Variants in AP3D1 observed in about 807,000 individuals in gnomAD.
The protein encoded by AP3D1 is AP-3 complex subunit delta-1.
AP3D1 carries 51 observed loss-of-function variants against 147.6 expected under a neutral mutation model. That is an observed-to-expected ratio of 0.35 (90% CI 0.28 to 0.44). The LOEUF is 0.44. AP3D1 is among the 20% of genes least tolerant of loss of function. AP3D1 has a pLI of 1.00. For synonymous variants in AP3D1, 760 were observed against 663.0 expected, an observed-to-expected ratio of 1.15 and a Z score of -2.25; for missense variants, 1,421 against 1,624.2, an observed-to-expected ratio of 0.87 and a Z score of 2.15.
chr19:2,163,423 C>T (rs1056774074), intron 1 of AP3D1, among the ~76,000 whole-genome samples: 18 of 151,914 alleles, frequency 1.2e-4, no homozygotes, highest in African/African-American at 4.4e-4. Context: ...AACTCCTGAC[C>T]TCAGGTGATC....
At chr19:2,111,622 A>C in intron 25 of AP3D1, 57 bp downstream of exon 25, 1 of 1,524,000 alleles carries the variant, frequency 6.6e-7, no homozygotes, top group East Asian at 2.4e-5. Context: ...AGTGGGGAGC[A>C]GCGCACAGCC....
chr19:2,160,718 A>C (rs1361950733), intron 1 of AP3D1, among the ~76,000 whole-genome samples: 2 of 152,140 alleles, frequency 1.3e-5, no homozygotes, highest in East Asian at 3.8e-4. Flanking sequence ...CTGCCTACAC[A>C]GGATTCTGGA....
intron 1 of AP3D1, among the ~76,000 whole-genome samples, chr19:2,158,417 C>T (rs1025559776): frequency 6.7e-6 from 1 of 149,138 alleles, no homozygotes; most frequent in Non-Finnish European, 1.5e-5. Context: ...AGTGGAGTGG[C>T]ACCATCTGAG....
chr19:2,105,834 G>C (rs2018095897), intron 31 of AP3D1, among the ~76,000 whole-genome samples: 1 of 152,196 alleles, frequency 6.6e-6, no homozygotes, highest in African/African-American at 2.4e-5. Context: ...GGGGGCTCGT[G>C]CTTCTAATAC....
At chr19:2,154,960 A>G (rs1276877815), upstream of AP3D1, among the ~76,000 whole-genome samples, 3 of 152,050 alleles carry the variant, frequency 2.0e-5, no homozygotes, top group Non-Finnish European at 4.4e-5. Flanking sequence ...TGGGTGGATC[A>G]CCTGAGGTCA....
intron 23 of AP3D1, 44 bp downstream of exon 23, chr19:2,113,292 C>A (rs1174438023): frequency 9.5e-5 from 104 of 1,089,222 alleles, no homozygotes; most frequent in Non-Finnish European, 1.3e-4. Flanking sequence ...GGTATGACCT[C>A]TGCAGACACC....
In AP3D1 at chr19:2,138,701, G is replaced by A. The variant is rs749835918; in HGVS notation, c.110C>T (p.Ser37Phe). ...NHKEDEAKYI[S>F]QCIDEIKQEL... ...CTGCTTGATCTCATCAATGCACTGA[G>A]ATATGTATTTTGCCTATAATGGGGG... The change falls in exon 2 of 32, where the codon TCT (serine) becomes TTT (phenylalanine). Residue 37 changes from serine to phenylalanine, a missense_variant. By Grantham distance (155) the Ser-to-Phe change is radical. Coordinates refer to ENST00000643116, the MANE Select transcript of AP3D1 (RefSeq NM_001261826.3). The A allele has an allele frequency of 6.2e-7, 1 of 1,612,904 alleles. No homozygotes were observed. Among genetic ancestry groups the A allele is most frequent in the South Asian group, 1.1e-5 (1 of 91,074 alleles).
At chr19:2,160,895 C>T (rs539046224) in intron 1 of AP3D1, among the ~76,000 whole-genome samples, 71 of 152,252 alleles carry the variant, frequency 4.7e-4, no homozygotes, top group African/African-American at 1.7e-3. Flanking sequence ...TGCACCTTAG[C>T]TGTGACAATC....
intron 9 of AP3D1, among the ~76,000 whole-genome samples, chr19:2,124,767 T>G (rs1420617649): frequency 6.6e-6 from 1 of 151,980 alleles, no homozygotes; most frequent in African/African-American, 2.4e-5. Context: ...ATGGAGAAAC[T>G]CTGTCTCTAC....
chr19:2,118,364 C>A (rs922408341), intron 15 of AP3D1, among the ~76,000 whole-genome samples: 3 of 152,198 alleles, frequency 2.0e-5, no homozygotes, highest in African/African-American at 7.2e-5. Flanking sequence ...GGAGCAGCAC[C>A]CTCACATACC....
rs1364676377 is a variant in AP3D1 at position 2,132,458 on chromosome 19, C to A, written c.462+13G>T. 6.3e-7 allele frequency: 1 copy of A among 1,593,024 alleles called. No individual in the cohort carries two copies. Among genetic ancestry groups the A allele is most frequent in the Non-Finnish European group, 8.6e-7 (1 of 1,162,494 alleles). ...CAGACATGCAGGGGTGGTGGGCAGG[C>A]TTACAAACTCACCAGTGTCATGATG... On this transcript the variant is annotated intron_variant, in intron 5 of 31. Coordinates refer to ENST00000643116, the MANE Select transcript of AP3D1 (RefSeq NM_001261826.3).
intron 1 of AP3D1, chr19:2,164,060 CG>C: frequency 1.8e-6 from 1 of 558,802 alleles, no homozygotes; most frequent in Non-Finnish European, 2.4e-6. Flanking sequence ...CGGCCGAGGC[CG>C]AGGCCAGGCC....
In AP3D1 at chr19:2,123,752, T is replaced by C; in HGVS notation, c.906+78A>G. On this transcript the variant is annotated intron_variant, in intron 10 of 31. Transcript: ENST00000643116. ...GGGGACCAGCACCTTGGTCACAGGG[T>C]GGGCAAGCTCCCGCCTGTGGAAAGG... The C allele has an allele frequency of 2.7e-6, 4 of 1,506,312 alleles. No individual in the cohort carries two copies. The South Asian group carries it at 4.8e-5, about 18-fold the overall frequency. 93.3% of individuals were successfully genotyped at this position (1,506,312 alleles called of 1,614,324 possible).
upstream of AP3D1, among the ~76,000 whole-genome samples, chr19:2,153,386 G>GC (rs1555711131): frequency 7.9e-4 from 117 of 147,822 alleles, 1 homozygote; most frequent in African/African-American, 2.8e-3. Context: ...AAAAGAAGTG[G>GC]GGGGGGGGAC....
Position 2,109,923 on chromosome 19 carries a change from G to C in AP3D1, c.3300C>G (p.Phe1100Leu). ...DEGATHEKLD[F>L]RLHFSCSSYL... ...AGGAGCTGCAGCTGAAGTGCAGCCT[G>C]AAGTCCAGCTTCTCGTGGGTCGCAC... The change falls in exon 29 of 32, where the codon TTC (phenylalanine) becomes TTG (leucine). Residue 1100 changes from phenylalanine to leucine, a missense_variant. By Grantham distance (22) the Phe-to-Leu change is conservative. Transcript: ENST00000643116. 6.2e-7 allele frequency: 1 copy of C among 1,613,854 alleles called. No individual in the cohort carries two copies. The highest frequency in any genetic ancestry group is 8.5e-7 in the Non-Finnish European group (1 of 1,180,010).
chr19:2,106,126 C>A (rs527785410), intron 31 of AP3D1, among the ~76,000 whole-genome samples: 1 of 152,130 alleles, frequency 6.6e-6, no homozygotes, highest in Non-Finnish European at 1.5e-5. Context: ...AGCACGATGA[C>A]GACAGGTGAA....
intron 1 of AP3D1, among the ~76,000 whole-genome samples, chr19:2,163,422 C>A (rs1384488516): frequency 6.6e-6 from 1 of 151,856 alleles, no homozygotes. Context: ...GAACTCCTGA[C>A]CTCAGGTGAT....
At chr19:2,102,501 G>A (rs1023515693) in intron 31 of AP3D1, among the ~76,000 whole-genome samples, 4 of 152,086 alleles carry the variant, frequency 2.6e-5, no homozygotes, top group Admixed American at 2.0e-4. Flanking sequence ...GGCTGAGGCA[G>A]GCAGATCACC....
intron 1 of AP3D1, among the ~76,000 whole-genome samples, chr19:2,142,991 C>T (rs545257753): frequency 9.2e-5 from 14 of 151,528 alleles, no homozygotes; most frequent in East Asian, 2.0e-4. Flanking sequence ...CTCGAACTCC[C>T]GACCTCAGGT....
Sources: gnomAD v4.1 joint callset for allele counts (sites outside exome capture counted in the v4.1 genomes callset) on GRCh38, gnomAD v4.1.1 for gene constraint, MANE v1.5 for transcripts, NCBI Gene and HGNC (gene_info 2026-07-23, HGNC 2026-07-21) for gene names.